TNRC18: variants seen among roughly 807,000 people sequenced by gnomAD.
The protein encoded by TNRC18 is trinucleotide repeat containing 18, also known as trinucleotide repeat-containing gene 18 protein.
In TNRC18, 69 loss-of-function variants were observed where a neutral mutation model predicts 226.7. The ratio of observed to expected loss-of-function variants is 0.30; its 90% CI spans 0.25 to 0.37. The LOEUF (loss-of-function observed/expected upper bound fraction) is 0.37, where lower values mean the gene tolerates loss of function less well. Among genes scored for constraint, TNRC18 ranks in the 10% least tolerant of loss-of-function variants. The pLI, the probability that TNRC18 is intolerant of heterozygous loss-of-function variation, is 1.00. For synonymous variants in TNRC18, 2,449 were observed against 1,927.6 expected, an observed-to-expected ratio of 1.27 and a Z score of -7.09; for missense variants, 4,754 against 4,256.6, an observed-to-expected ratio of 1.12 and a Z score of -3.25.
At chr7:5,373,976 G>T in intron 10 of TNRC18, 79 bp downstream of exon 10, 2 of 1,169,952 alleles carry the variant, frequency 1.7e-6, no homozygotes, top group Non-Finnish European at 1.2e-6. Flanking sequence ...ACGATCGAAC[G>T]GGTCAATGAA....
Position 5,371,140 on chromosome 7 carries a change from G to A in TNRC18, c.3454C>T (p.Pro1152Ser), listed in dbSNP as rs868271132. Residue 1152 changes from proline (P) to serine (S), a missense_variant, in exon 11 of 30, where the codon CCG (proline) becomes TCG (serine). Physicochemically the swap from Pro to Ser is moderately conservative, Grantham distance 74. Transcript: ENST00000430969. ...GCCTTCACCTCCCGCTCAGCCAGCG[G>A]TTCTTCCTCCGGGCCCTCCCGCAGC... The part of the protein sequence containing the change: ...EPLREGPEEE[P>S]LAEREVKAEV... 4 of 1,610,952 alleles carry A rather than the reference G, an allele frequency of 2.5e-6. No individual in the cohort carries two copies. Among genetic ancestry groups the A allele is most frequent in the Non-Finnish European group, 3.4e-6 (4 of 1,178,026 alleles).
rs183921190 is a variant in TNRC18, at chr7:5,406,408, G to A, written c.188-11813C>T. 6.6e-5 allele frequency among the ~76,000 whole-genome samples: 10 copies of A among 152,290 alleles called. No individual in the cohort carries two copies. In the East Asian group the frequency reaches 1.9e-3, roughly 29 times the overall value. Reference sequence around the variant, plus strand: ...ACCCAAAAGGCGGAGGTTGCAGTGAGCCGAGATTGCGCCACTGCACTGCAG... The same window carrying A: ...ACCCAAAAGGCGGAGGTTGCAGTGAACCGAGATTGCGCCACTGCACTGCAG... On this transcript the variant is annotated intron_variant, in intron 2 of 29. Coordinates refer to ENST00000430969, the MANE Select transcript of TNRC18 (RefSeq NM_001080495.3).
chr7:5,325,341 G>C, intron 19 of TNRC18, 93 bp from the exon 20 acceptor site: 2 of 1,428,454 alleles, frequency 1.4e-6, no homozygotes. Context: ...CCCAAGTTCT[G>C]TGCCACCCCA....
chr7:5,325,068 C>T lies in TNRC18; in HGVS notation c.6300+28G>A, dbSNP rs553932019. On this transcript the variant is annotated intron_variant, in intron 20 of 29. Transcript: ENST00000430969. The stretch of plus-strand genomic sequence containing the variant: ...AGGAGCATGGCTGAGCCCCCCACAG[C>T]CCCCAACCAGGGCACGGTGAGCCTC... 1.7e-5 allele frequency: 26 copies of T among 1,548,574 alleles called. No individual in the cohort carries two copies. In the East Asian group the frequency reaches 6.1e-4, roughly 36 times the overall value.
In TNRC18 at chr7:5,377,915, C is replaced by A. The variant is rs1779119265; in HGVS notation, c.2255+7G>T. The A allele has an allele frequency of 2.5e-6, 4 of 1,613,264 alleles. No homozygotes were observed. The African/African-American group carries it at 4.0e-5, about 16-fold the overall frequency. On this transcript the variant is annotated splice_region_variant and intron_variant, in intron 6 of 29. Coordinates refer to ENST00000430969, the MANE Select transcript of TNRC18 (RefSeq NM_001080495.3). The surrounding 1 kb of genome is among the most constrained non-coding windows in gnomAD (Gnocchi z 5.8). ...CCTAGACCCTCAGGATCCCCCGACA[C>A]CCTCACCTGAGCAGCTTCTCCTGAT...
chr7:5,387,540 CAAGACCATTTTAAAAAATGATACTTATA>C (rs1008156381), intron 5 of TNRC18, 104 bp downstream of exon 5: 253 of 1,321,738 alleles, frequency 1.9e-4, no homozygotes, highest in Non-Finnish European at 2.6e-4. Flanking sequence ...ACAGAACATT[CAAGACCATTTTAAAAAATGATACTTATA>C]AAGACTTAGC....
At chr7:5,322,310 G>C (rs980458156) in intron 21 of TNRC18, among the ~76,000 whole-genome samples, 82 of 76,882 alleles carry the variant, frequency 1.1e-3, no homozygotes, top group South Asian at 5.4e-3. Context: ...TCATCATCAT[G>C]ATGTCAGAGA....
intron 18 of TNRC18, 37 bp downstream of exon 18, chr7:5,345,525 C>CCCCCCCCCCCCCCCCCCCCCCCCCCCACA: frequency 1.8e-5 from 4 of 217,344 alleles, no homozygotes; most frequent in Non-Finnish European, 2.8e-5. Flanking sequence ...CCGCCCCTCC[C>CCCCCCCCCCCCCCCCCCCCCCCCCCCACA]ACCCACCCCC....
At chr7:5,400,493 CCAG>C (rs1781009605) in intron 2 of TNRC18, among the ~76,000 whole-genome samples, 1 of 152,014 alleles carries the variant, frequency 6.6e-6, no homozygotes. Context: ...CCCTATAGTC[CCAG>C]CTACTCGGGA....
intron 12 of TNRC18, among the ~76,000 whole-genome samples, 177 bp from the exon 13 acceptor site, chr7:5,362,210 T>C (rs1212059261): frequency 6.6e-6 from 1 of 152,140 alleles, no homozygotes; most frequent in African/African-American, 2.4e-5. Flanking sequence ...AGGGACCCTG[T>C]GCTGGCTCTG....
At position 5,388,000 on chromosome 7, in the gene TNRC18, G is replaced by C. The variant is rs1348483407; in HGVS notation, c.1824C>G (p.Gly608=). The C allele has an allele frequency of 5.7e-6, 9 of 1,586,586 alleles. No individual in the cohort carries two copies. Among genetic ancestry groups the C allele is most frequent in the Non-Finnish European group, 7.7e-6 (9 of 1,167,726 alleles). The change falls in exon 5 of 30, where the codon GGC becomes GGG. Residue 608 remains glycine (G), a synonymous_variant. Coordinates refer to ENST00000430969, the MANE Select transcript of TNRC18 (RefSeq NM_001080495.3). ...CCAAACCTCCAAAGGGGCTCTTCTT[G>C]CCACAGCCACCAGGGCGCACGGCCA... ...DAVAVRPGGC[G]KKSPFGGLGT... is the part of the protein sequence containing the mutation.
chr7:5,322,735 C>G (rs1296635093), intron 21 of TNRC18, among the ~76,000 whole-genome samples: 4 of 152,238 alleles, frequency 2.6e-5, no homozygotes, highest in African/African-American at 9.6e-5. Context: ...TGGGCCTGCC[C>G]TTCCTCCTCA....
At chr7:5,406,246 C>T (rs6972115) in intron 2 of TNRC18, among the ~76,000 whole-genome samples, 44,190 of 151,860 alleles carry the variant, frequency 0.29, 6,851 homozygotes, top group Non-Finnish European at 0.33. Context: ...GCAAATCATT[C>T]GAAGTCAGGA....
At chr7:5,332,491 G>T in intron 19 of TNRC18, 131 bp downstream of exon 19, 1 of 1,001,690 alleles carries the variant, frequency 1.0e-6, no homozygotes, top group Non-Finnish European at 1.4e-6. Context: ...CAGGGGCTCC[G>T]GGCGGGCCTG....
In TNRC18 at chr7:5,374,173, G is replaced by A. The variant is rs1406530004; in HGVS notation, c.3111C>T (p.Ala1037=). The A allele has an allele frequency of 2.1e-6, 3 of 1,433,258 alleles. No homozygotes were observed. The allele number at this position is 1,433,258 out of a possible 1,614,324, so 88.8% of individuals were successfully genotyped here. Residue 1037 remains alanine (A), a synonymous_variant, in exon 10 of 30, where the codon GCC becomes GCT. Transcript: ENST00000430969. ...TGATACCCGGGGTGGGCGGTGGGGA[G>A]GCGGGCGGCGGGCTGGTGGGGTGGG... ...PSSHPTSPPP[A]SPPPTPGITR...
At chr7:5,336,401 T>C (rs10253708) in intron 18 of TNRC18, among the ~76,000 whole-genome samples, 33,830 of 151,520 alleles carry the variant, frequency 0.22, 3,980 homozygotes, top group African/African-American at 0.28. Context: ...ACCAGAGAAA[T>C]AGGAAGGACA....
At position 5,307,327 on chromosome 7, in the gene TNRC18, CA is replaced by C. The variant is rs1156265793; in HGVS notation, c.*778del. 1 of 158,408 alleles carries C rather than the reference CA, an allele frequency of 6.3e-6. No homozygotes were observed. Among genetic ancestry groups the C allele is most frequent in the Non-Finnish European group, 1.4e-5 (1 of 70,998 alleles). The allele number at this position is 158,408 out of a possible 1,614,324, so 9.8% of individuals were successfully genotyped here. The stretch of plus-strand genomic sequence containing the variant: ...TGACTCCATTTAAAGGCTTATGATA[CA>C]GGGGCGGGGCGAGTCTCTTGGTACA... On this transcript the variant is annotated 3_prime_UTR_variant, in exon 30 of 30. Transcript: ENST00000430969.
chr7:5,364,265 C>T (rs1793382056), intron 11 of TNRC18, among the ~76,000 whole-genome samples: 1 of 152,056 alleles, frequency 6.6e-6, no homozygotes, highest in South Asian at 2.1e-4. Flanking sequence ...GCCACTCCAA[C>T]CTGGGCAACA....
chr7:5,370,493 G>A lies in TNRC18; in HGVS notation c.4101C>T (p.Ala1367=). 1 of 1,592,132 alleles carries A rather than the reference G, an allele frequency of 6.3e-7. No homozygotes were observed. The highest frequency in any genetic ancestry group is 2.3e-5 in the East Asian group (1 of 43,628). ...TCTCGGCTGCTTCCAGCTTCTCCAA[G>A]GCCTGGGCTCCAGCAGCACCCGGGG... The part of the protein sequence containing the change: ...LPSPGAAGAQ[A]LEKLEAAESL... The change falls in exon 11 of 30, where the codon GCC becomes GCT. Residue 1367 remains alanine (A), a synonymous_variant. Transcript: ENST00000430969.
Sources: allele counts gnomAD v4.1 joint callset (sites outside exome capture counted in the v4.1 genomes callset), GRCh38; gene constraint gnomAD v4.1.1; non-coding constraint Gnocchi (gnomAD v3.1); transcripts MANE v1.5; gene names NCBI Gene and HGNC (gene_info 2026-07-23, HGNC 2026-07-21).